Variants in FNIP1 observed in about 807,000 individuals in gnomAD.
FNIP1 encodes the protein folliculin-interacting protein 1.
In FNIP1, 40 loss-of-function variants were observed where a neutral mutation model predicts 124.5. The ratio of observed to expected loss-of-function variants is 0.32; its 90% CI spans 0.25 to 0.42. The LOEUF (loss-of-function observed/expected upper bound fraction) is 0.42, where lower values mean the gene tolerates loss of function less well. FNIP1 is among the 10% of genes least tolerant of loss of function. The pLI, the probability that FNIP1 is intolerant of heterozygous loss-of-function variation, is 1.00. For synonymous variants in FNIP1, 472 were observed against 470.6 expected, an observed-to-expected ratio of 1.00 and a Z score of -0.04; for missense variants, 1,176 against 1,403.7, an observed-to-expected ratio of 0.84 and a Z score of 2.59.
At chr5:131,718,778 T>C (rs1010608306) in intron 5 of FNIP1, among the ~76,000 whole-genome samples, 1 of 152,214 alleles carries the variant, frequency 6.6e-6, no homozygotes, top group Non-Finnish European at 1.5e-5. Flanking sequence ...TTCCAGATAC[T>C]GCTTCTAGCA....
chr5:131,698,542 T>A (rs1008796377), intron 11 of FNIP1, among the ~76,000 whole-genome samples: 1 of 152,190 alleles, frequency 6.6e-6, no homozygotes, highest in African/African-American at 2.4e-5. Context: ...GTTCCTTATA[T>A]CCATATATCC....
At chr5:131,655,724 C>G (rs1767171195) in intron 15 of FNIP1, among the ~76,000 whole-genome samples, 1 of 144,888 alleles carries the variant, frequency 6.9e-6, no homozygotes. Context: ...CTGGCTAACA[C>G]AGTGAAACCT....
At chr5:131,693,299 T>TATATATATATATATAC (rs1768548948) in intron 11 of FNIP1, among the ~76,000 whole-genome samples, 2 of 24,042 alleles carry the variant, frequency 8.3e-5, no homozygotes, top group Non-Finnish European at 2.2e-4. Flanking sequence ...AATATATACA[T>TATATATATATATATAC]ATATATATAT....
chr5:131,751,962 T>C (rs1770886353), intron 1 of FNIP1, among the ~76,000 whole-genome samples: 1 of 152,144 alleles, frequency 6.6e-6, no homozygotes, highest in South Asian at 2.1e-4. Flanking sequence ...ATCACGCACT[T>C]TAGAAGAGTA....
In FNIP1 at chr5:131,740,907, C is replaced by A. The variant is rs540109626; in HGVS notation, c.219+3657G>T. On this transcript the variant is annotated intron_variant, in intron 2 of 17. Coordinates refer to ENST00000510461, the MANE Select transcript of FNIP1 (RefSeq NM_133372.3). ...GACAAGAGTGACCTCTGGTCATCCTCACTACTACACTCCCACCAGCTCCAT... is the reference window on the plus strand; with the variant it reads ...GACAAGAGTGACCTCTGGTCATCCTAACTACTACACTCCCACCAGCTCCAT... Among the ~76,000 whole-genome samples the A allele has an allele frequency of 3.9e-5, 6 of 152,308 alleles. No individual in the cohort carries two copies. The South Asian group carries it at 1.2e-3, about 32-fold the overall frequency.
Position 131,651,859 on chromosome 5 carries a change from A to G in FNIP1, c.3249T>C (p.Val1083=). The change falls in exon 16 of 18, where the codon GTT becomes GTC. Residue 1083 remains valine (V), a synonymous_variant. Coordinates refer to ENST00000510461, the MANE Select transcript of FNIP1 (RefSeq NM_133372.3). ...GAAGTGTGGAATGAAGCAGATTGGA[A>G]ACAAGACTGGAAACCAATACTTCCT... ...LGKEVLVSSL[V]SNLLHSTLQL... 1 of 1,614,202 alleles carries G rather than the reference A, an allele frequency of 6.2e-7. No homozygotes were observed.
chr5:131,645,336 A>C (rs1041034560), intron 17 of FNIP1, among the ~76,000 whole-genome samples: 26 of 151,872 alleles, frequency 1.7e-4, no homozygotes, highest in African/African-American at 6.3e-4. Context: ...AAAGAATAAT[A>C]ATGTGTACCC....
intron 1 of FNIP1, among the ~76,000 whole-genome samples, chr5:131,756,968 A>G (rs1190911210): frequency 6.6e-6 from 1 of 152,210 alleles, no homozygotes; most frequent in African/African-American, 2.4e-5. Flanking sequence ...TGAAAGGGCC[A>G]AAAGTAGGCA....
chr5:131,713,733 A>G (rs1769377623), intron 6 of FNIP1, among the ~76,000 whole-genome samples: 1 of 152,212 alleles, frequency 6.6e-6, no homozygotes, highest in Admixed American at 6.5e-5. Context: ...CAAAGTGCCA[A>G]ACTTGATTCT....
At chr5:131,668,329 A>C (rs1767659570) in intron 15 of FNIP1, among the ~76,000 whole-genome samples, 1 of 152,232 alleles carries the variant, frequency 6.6e-6, no homozygotes, top group Non-Finnish European at 1.5e-5. Flanking sequence ...AAGTCAAAGA[A>C]ATTACAAGCA....
intron 11 of FNIP1, among the ~76,000 whole-genome samples, chr5:131,689,108 A>AT (rs1768388243): frequency 6.6e-6 from 1 of 151,294 alleles, no homozygotes; most frequent in South Asian, 2.1e-4. Flanking sequence ...AACCTTACCT[A>AT]TAGAAGAGTA....
chr5:131,733,847 A>T (rs1395537037), intron 2 of FNIP1, among the ~76,000 whole-genome samples: 2 of 152,190 alleles, frequency 1.3e-5, no homozygotes, highest in Non-Finnish European at 2.9e-5. Flanking sequence ...GCCTCATAAA[A>T]TGAGTTAGGG....
chr5:131,685,556 A>T (rs1768245899), intron 11 of FNIP1, among the ~76,000 whole-genome samples: 1 of 149,952 alleles, frequency 6.7e-6, no homozygotes, highest in Admixed American at 6.7e-5. Context: ...TCCCTGGTTC[A>T]AGCAATTCTC....
At chr5:131,733,314 C>T (rs1052080467) in intron 2 of FNIP1, among the ~76,000 whole-genome samples, 1 of 152,068 alleles carries the variant, frequency 6.6e-6, no homozygotes, top group African/African-American at 2.4e-5. Flanking sequence ...AATGAATACC[C>T]TTTATTTCTT....
At chr5:131,777,895 A>G (rs1259931252) in intron 1 of FNIP1, among the ~76,000 whole-genome samples, 2 of 152,196 alleles carry the variant, frequency 1.3e-5, no homozygotes, top group African/African-American at 2.4e-5. Context: ...ATGAATGCTA[A>G]AGTTTGAGCA....
chr5:131,683,331 G>A (rs959606734), intron 11 of FNIP1, among the ~76,000 whole-genome samples: 8 of 151,774 alleles, frequency 5.3e-5, no homozygotes, highest in East Asian at 1.9e-4. Context: ...GGCAGATCAC[G>A]AGGTCAGGAG....
At position 131,775,042 on chromosome 5, in the gene FNIP1, G is replaced by C. The variant is rs183358148; in HGVS notation, c.92+21788C>G. 3.9e-4 allele frequency among the ~76,000 whole-genome samples: 59 copies of C among 152,340 alleles called. 1 individual carries two copies. The highest frequency in any genetic ancestry group is 1.4e-3 in the African/African-American group (58 of 41,582). Reference sequence around the variant, plus strand: ...TATTAAGGTATATAAAAATGGATTTGATCCAAGCAAGTTGCCAGTTTCTCC... The same window carrying C: ...TATTAAGGTATATAAAAATGGATTTCATCCAAGCAAGTTGCCAGTTTCTCC... On this transcript the variant is annotated intron_variant, in intron 1 of 17. Transcript: ENST00000510461.
At position 131,733,052 on chromosome 5, in the gene FNIP1, G is replaced by C. The variant is rs573751535; in HGVS notation, c.220-2014C>G. ...CTTGAAGAGGTCCTTCACATCCCTT[G>C]TAAGTTGGATTCCTAGGTATTTTAT... On this transcript the variant is annotated intron_variant, in intron 2 of 17. Transcript: ENST00000510461. 3.2e-4 allele frequency among the ~76,000 whole-genome samples: 49 copies of C among 152,158 alleles called. 1 individual carries two copies. The South Asian group carries it at 3.7e-3, about 12-fold the overall frequency.
chr5:131,649,422 A>G (rs560855337), intron 16 of FNIP1, among the ~76,000 whole-genome samples: 4 of 152,336 alleles, frequency 2.6e-5, no homozygotes, highest in African/African-American at 9.6e-5. Flanking sequence ...GATGTTGAGC[A>G]TATTTTCATG....
Sources: gnomAD v4.1 joint callset for allele counts (sites outside exome capture counted in the v4.1 genomes callset) on GRCh38, gnomAD v4.1.1 for gene constraint, MANE v1.5 for transcripts, NCBI Gene and HGNC (gene_info 2026-07-23, HGNC 2026-07-21) for gene names.